The following TSPAN5 variants were observed in gnomAD, a reference collection of about 807,000 sequenced individuals.
TSPAN5 encodes tetraspanin 5.
TSPAN5 carries 10 observed loss-of-function variants against 37.1 expected under a neutral mutation model. The observed-to-expected ratio is 0.27, with a 90% CI of 0.17 to 0.46. The LOEUF (loss-of-function observed/expected upper bound fraction) is 0.46, where lower values mean the gene tolerates loss of function less well. Among genes scored for constraint, TSPAN5 ranks in the 20% least tolerant of loss-of-function variants. TSPAN5 has a pLI of 1.00. For synonymous variants in TSPAN5, 110 were observed against 118.9 expected, an observed-to-expected ratio of 0.93 and a Z score of 0.48; for missense variants, 195 against 326.6, an observed-to-expected ratio of 0.60 and a Z score of 3.11.
chr4:98,527,166 G>A (rs1753980221), intron 1 of TSPAN5, among the ~76,000 whole-genome samples: 1 of 152,148 alleles, frequency 6.6e-6, no homozygotes, highest in African/African-American at 2.4e-5. Flanking sequence ...GTGAGAATCA[G>A]ACAGGTTATA....
chr4:98,539,570 A>AT (rs79071816), intron 1 of TSPAN5, among the ~76,000 whole-genome samples: 110 of 150,982 alleles, frequency 7.3e-4, no homozygotes, highest in African/African-American at 2.3e-3. Context: ...TTCCCTTTAG[A>AT]TTTTTTTTTT....
intron 1 of TSPAN5, among the ~76,000 whole-genome samples, chr4:98,614,280 C>T (rs548549468): frequency 2.0e-5 from 3 of 152,290 alleles, no homozygotes; most frequent in Admixed American, 6.5e-5. Flanking sequence ...TCTTTAGTCC[C>T]GTAAGTCAGA....
At chr4:98,536,543 G>A (rs1460627927) in intron 1 of TSPAN5, among the ~76,000 whole-genome samples, 1 of 152,230 alleles carries the variant, frequency 6.6e-6, no homozygotes, top group Non-Finnish European at 1.5e-5. Context: ...GAGGTCCGCT[G>A]CTCTCTTCAG....
At chr4:98,599,386 C>T (rs964522481) in intron 1 of TSPAN5, among the ~76,000 whole-genome samples, 1 of 152,120 alleles carries the variant, frequency 6.6e-6, no homozygotes, top group Non-Finnish European at 1.5e-5. Flanking sequence ...GTAAAATTTA[C>T]AAGAAGCACC....
intron 1 of TSPAN5, among the ~76,000 whole-genome samples, chr4:98,558,282 G>T (rs998168545): frequency 1.3e-5 from 2 of 152,144 alleles, no homozygotes; most frequent in Non-Finnish European, 2.9e-5. Flanking sequence ...AACATAAGGT[G>T]TTAGTAACAG....
intron 1 of TSPAN5, among the ~76,000 whole-genome samples, chr4:98,554,123 C>A (rs10000857): frequency 0.097 from 14,677 of 151,964 alleles, 1,276 homozygotes; most frequent in African/African-American, 0.23. Flanking sequence ...GGTGTTAAAT[C>A]CTAATAAGGT....
At chr4:98,553,849 T>C (rs1754675969) in intron 1 of TSPAN5, among the ~76,000 whole-genome samples, 1 of 152,190 alleles carries the variant, frequency 6.6e-6, no homozygotes, top group South Asian at 2.1e-4. Flanking sequence ...AGTGGATCAC[T>C]TGAGGTCAGA....
chr4:98,478,817 C>A lies in TSPAN5; in HGVS notation c.451-7G>T. The stretch of plus-strand genomic sequence containing the variant: ...AAGCCCCACAGCACTGCCACTAGAG[C>A]AAACAGGAAAGAATTAGAACATCCC... On this transcript the variant is annotated splice_polypyrimidine_tract_variant and splice_region_variant and intron_variant, in intron 4 of 7. Coordinates refer to ENST00000305798, the MANE Select transcript of TSPAN5 (RefSeq NM_005723.4). 1 of 1,613,254 alleles carries A rather than the reference C, an allele frequency of 6.2e-7. No individual in the cohort carries two copies. Among genetic ancestry groups the A allele is most frequent in the South Asian group, 1.1e-5 (1 of 91,070 alleles).
At chr4:98,485,397 CTGTG>C in intron 3 of TSPAN5, 1 of 150,696 alleles carries the variant, frequency 6.6e-6, no homozygotes, top group Non-Finnish European at 1.5e-5. Flanking sequence ...GAGAGAGACA[CTGTG>C]TGTGTGTGTG....
chr4:98,507,667 A>G lies in TSPAN5; in HGVS notation c.132+11T>C. 1.2e-6 allele frequency: 2 copies of G among 1,605,622 alleles called. No homozygotes were observed. Among genetic ancestry groups the G allele is most frequent in the Non-Finnish European group, 1.7e-6 (2 of 1,175,326 alleles). ...ACCACGATGTGTGCATTGTCATGAT[A>G]TTCAACTTACTTTTTCATTCCATGC... On this transcript the variant is annotated intron_variant, in intron 2 of 7. Transcript: ENST00000305798.
intron 1 of TSPAN5, among the ~76,000 whole-genome samples, chr4:98,631,557 G>A (rs1165709167): frequency 1.3e-5 from 2 of 151,964 alleles, no homozygotes; most frequent in African/African-American, 4.8e-5. Context: ...GCCTGACCCT[G>A]CAGGGCCAAC....
In TSPAN5 at chr4:98,471,374, C is replaced by T. The variant is rs756147402; in HGVS notation, c.*1148G>A. The T allele has an allele frequency of 6.6e-6, 1 of 152,096 alleles. No homozygotes were observed. The highest frequency in any genetic ancestry group is 2.4e-5 in the African/African-American group (1 of 41,402). 9.4% of individuals were successfully genotyped at this position (152,096 alleles called of 1,614,324 possible). A position where few individuals can be genotyped will look rare whatever the true frequency, so the allele number is the denominator to read the frequency against. ...TCAGATCGACTCTGGAAGAGATCAT[C>T]AAGACCAGGGAAGCATTTGGATGGT... On this transcript the variant is annotated 3_prime_UTR_variant, in exon 8 of 8. Transcript: ENST00000305798.
At chr4:98,575,495 T>C (rs1323079730) in intron 1 of TSPAN5, among the ~76,000 whole-genome samples, 1 of 150,130 alleles carries the variant, frequency 6.7e-6, no homozygotes, top group Non-Finnish European at 1.5e-5. Context: ...GTGAACCTTG[T>C]TCCCCAGCTC....
At chr4:98,588,054 C>T (rs951338367) in intron 1 of TSPAN5, among the ~76,000 whole-genome samples, 1 of 152,142 alleles carries the variant, frequency 6.6e-6, no homozygotes, top group Admixed American at 6.6e-5. Context: ...TGAAACCCGT[C>T]GTCGGCCATC....
chr4:98,643,572 T>C lies in TSPAN5; in HGVS notation c.81+14574A>G, dbSNP rs141195489. On this transcript the variant is annotated intron_variant, in intron 1 of 7. Coordinates refer to ENST00000305798, the MANE Select transcript of TSPAN5 (RefSeq NM_005723.4). The stretch of plus-strand genomic sequence containing the variant: ...GACCCCTATCCCTTCACTTCTAAAA[T>C]AGTGACTCTGTATCTTTAAACATGA... 9.7e-4 allele frequency among the ~76,000 whole-genome samples: 148 copies of C among 152,314 alleles called. 2 individuals are homozygous for C. In the East Asian group the frequency reaches 0.024, roughly 25 times the overall value.
At chr4:98,477,304 G>T (rs1752724541) in intron 5 of TSPAN5, among the ~76,000 whole-genome samples, 3 of 152,232 alleles carry the variant, frequency 2.0e-5, no homozygotes, top group Admixed American at 6.5e-5. Flanking sequence ...CTGGTGGGAA[G>T]GGCAGCTGGC....
At chr4:98,628,394 T>C (rs529554285) in intron 1 of TSPAN5, among the ~76,000 whole-genome samples, 7 of 152,368 alleles carry the variant, frequency 4.6e-5, no homozygotes, top group East Asian at 1.9e-4. Flanking sequence ...GGAGCATCTA[T>C]AGATTGACTC....
intron 3 of TSPAN5, 122 bp from the exon 4 acceptor site, chr4:98,482,297 G>T: frequency 1.2e-6 from 1 of 809,742 alleles, no homozygotes; most frequent in Non-Finnish European, 1.9e-6. Flanking sequence ...CTCCAAAGCA[G>T]ATAATCTTCA....
At chr4:98,486,331 C>A (rs1422136830) in intron 3 of TSPAN5, among the ~76,000 whole-genome samples, 1 of 152,194 alleles carries the variant, frequency 6.6e-6, no homozygotes, top group Non-Finnish European at 1.5e-5. Flanking sequence ...TCTGGACAGG[C>A]CACAGTCACT....
Sources: allele counts gnomAD v4.1 joint callset (sites outside exome capture counted in the v4.1 genomes callset), GRCh38; gene constraint gnomAD v4.1.1; transcripts MANE v1.5; gene names NCBI Gene and HGNC (gene_info 2026-07-23, HGNC 2026-07-21).